Variants in XRRA1 observed in about 807,000 individuals in gnomAD.
XRRA1 encodes the protein X-ray radiation resistance-associated protein 1.
Under a neutral mutation model 80.2 loss-of-function variants are expected in XRRA1, and 69 were observed. The ratio of observed to expected loss-of-function variants is 0.86; its 90% confidence interval spans 0.71 to 1.05. XRRA1 has a LOEUF of 1.05. Ranked by LOEUF, XRRA1 falls within the 50% of genes least tolerant of loss-of-function variation. The probability of loss-of-function intolerance (pLI) is 0.00; values close to 1 mark genes in which losing one functional copy is unlikely to be tolerated. For missense variants in XRRA1, 967 were observed against 976.4 expected (o/e 0.99, Z 0.13); for synonymous variants, 348 against 389.9 (o/e 0.89, Z 1.27).
intron 5 of XRRA1, among the ~76,000 whole-genome samples, chr11:74,931,130 A>ATGTGTGTG (rs1943448463): frequency 1.8e-5 from 1 of 57,064 alleles, no homozygotes; most frequent in Non-Finnish European, 4.0e-5. Context: ...TTATGCTTAT[A>ATGTGTGTG]CGTGTGTGTG....
intron 10 of XRRA1, among the ~76,000 whole-genome samples, chr11:74,899,901 T>C (rs1167969648): frequency 6.6e-6 from 1 of 152,120 alleles, no homozygotes; most frequent in African/African-American, 2.4e-5. Flanking sequence ...ACTCATTCTA[T>C]GAGGCCAGCA....
At position 74,845,233 on chromosome 11, in the gene XRRA1, A is replaced by G. The variant is rs2037747213; in HGVS notation, c.1767T>C (p.Asp589=). The change falls in exon 16 of 19, where the codon GAT becomes GAC. Residue 589 remains aspartate, a synonymous_variant. Transcript: ENST00000684022. The part of the protein sequence containing the change: ...ELPSSVIHKD[D]LELKEKDQKK... ...TTTGGTCTTTCTCCTTTAACTCTAA[A>G]TCATCCTTATGGATGACGGAGGAAG... is the stretch of plus-strand genomic sequence containing the variant. 4 of 1,613,896 alleles carry G rather than the reference A, an allele frequency of 2.5e-6. No individual in the cohort carries two copies. Among genetic ancestry groups the G allele is most frequent in the Non-Finnish European group, 3.4e-6 (4 of 1,179,828 alleles).
At chr11:74,865,114 A>G (rs976295980) in intron 10 of XRRA1, among the ~76,000 whole-genome samples, 1 of 151,934 alleles carries the variant, frequency 6.6e-6, no homozygotes, top group African/African-American at 2.4e-5. Flanking sequence ...GTCTGGGCCA[A>G]CAAGATGGGC....
chr11:74,874,398 G>C (rs35198465), intron 10 of XRRA1, among the ~76,000 whole-genome samples: 1 of 152,066 alleles, frequency 6.6e-6, no homozygotes, highest in Non-Finnish European at 1.5e-5. Context: ...TCAATCTTTT[G>C]TATCAGAAAG....
chr11:74,900,677 T>C (rs1026383393), intron 10 of XRRA1, among the ~76,000 whole-genome samples: 4 of 152,176 alleles, frequency 2.6e-5, no homozygotes, highest in Admixed American at 6.5e-5. Context: ...ATGTGATACA[T>C]CACATCAACA....
At chr11:74,877,568 T>C (rs1479306496) in intron 10 of XRRA1, among the ~76,000 whole-genome samples, 13 of 151,240 alleles carry the variant, frequency 8.6e-5, no homozygotes, top group Non-Finnish European at 1.3e-4. Context: ...CCCACTAACT[T>C]GTCATCTAGC....
At chr11:74,931,949 T>C (rs1387221545) in intron 5 of XRRA1, among the ~76,000 whole-genome samples, 1 of 152,208 alleles carries the variant, frequency 6.6e-6, no homozygotes, top group Non-Finnish European at 1.5e-5. Context: ...AGTCTGATTA[T>C]TGTAAAATGG....
chr11:74,911,893 C>T (rs1279510096), intron 8 of XRRA1, among the ~76,000 whole-genome samples: 2 of 152,168 alleles, frequency 1.3e-5, no homozygotes, highest in African/African-American at 4.8e-5. Context: ...AATCAAAGCC[C>T]AGGGTACCCT....
intron 10 of XRRA1, among the ~76,000 whole-genome samples, chr11:74,868,186 T>C (rs540002504): frequency 1.4e-4 from 22 of 152,292 alleles, no homozygotes; most frequent in African/African-American, 4.8e-4. Context: ...CCCAAAGTGC[T>C]AGGATTACAG....
intron 11 of XRRA1, among the ~76,000 whole-genome samples, chr11:74,862,194 G>A (rs2042444707): frequency 6.6e-6 from 1 of 152,218 alleles, no homozygotes; most frequent in Non-Finnish European, 1.5e-5. Flanking sequence ...GTGTACCTGA[G>A]CCCAGCCTGC....
intron 10 of XRRA1, among the ~76,000 whole-genome samples, chr11:74,887,229 T>C (rs2049253579): frequency 6.6e-6 from 1 of 152,094 alleles, no homozygotes; most frequent in Non-Finnish European, 1.5e-5. Context: ...TGAGACCCAA[T>C]TAAACTAAAG....
At chr11:74,857,338 GCAAA>G (rs755059296) in intron 12 of XRRA1, among the ~76,000 whole-genome samples, 4 of 151,788 alleles carry the variant, frequency 2.6e-5, no homozygotes, top group African/African-American at 7.3e-5. Context: ...GTATAAGGAA[GCAAA>G]CAAAATAAGA....
At chr11:74,903,547 CA>C (rs748654704) in intron 10 of XRRA1, among the ~76,000 whole-genome samples, 73 of 151,986 alleles carry the variant, frequency 4.8e-4, no homozygotes, top group Non-Finnish European at 8.2e-4. Flanking sequence ...ACTAAAAATA[CA>C]AAAAATTAGC....
At chr11:74,912,055 G>A (rs181470641) in intron 8 of XRRA1, among the ~76,000 whole-genome samples, 28 of 152,312 alleles carry the variant, frequency 1.8e-4, no homozygotes, top group Non-Finnish European at 3.8e-4. Flanking sequence ...AAGACAAGGG[G>A]AAGGGCAGAC....
At chr11:74,845,943 C>T (rs1331847461) in intron 15 of XRRA1, 1 of 152,428 alleles carries the variant, frequency 6.6e-6, no homozygotes, top group Non-Finnish European at 1.5e-5. Flanking sequence ...GTAGTCCTAG[C>T]TACTCAGGAG....
chr11:74,938,587 C>T (rs556919477), intron 3 of XRRA1, among the ~76,000 whole-genome samples: 201 of 152,320 alleles, frequency 1.3e-3, no homozygotes, highest in Non-Finnish European at 2.0e-3. Context: ...TTCAATCAAA[C>T]ACTAATCTAG....
At chr11:74,890,943 G>A (rs529329792) in intron 10 of XRRA1, among the ~76,000 whole-genome samples, 2 of 152,312 alleles carry the variant, frequency 1.3e-5, no homozygotes, top group Non-Finnish European at 2.9e-5. Context: ...TCCAGGACCA[G>A]ATGGATTCAC....
At chr11:74,939,928 C>G (rs1591630055) in intron 3 of XRRA1, among the ~76,000 whole-genome samples, 1 of 152,108 alleles carries the variant, frequency 6.6e-6, no homozygotes, top group Admixed American at 6.5e-5. Flanking sequence ...TGAGCTCACA[C>G]TGATAGCTCC....
chr11:74,939,817 G>A (rs1644461865), intron 3 of XRRA1, among the ~76,000 whole-genome samples: 1 of 149,454 alleles, frequency 6.7e-6, no homozygotes, highest in African/African-American at 2.5e-5. Flanking sequence ...ATCCATCTAT[G>A]TGTGTCTGTG....
Sources: allele counts gnomAD v4.1 joint callset (sites outside exome capture counted in the v4.1 genomes callset), GRCh38; gene constraint gnomAD v4.1.1; transcripts MANE v1.5; gene names NCBI Gene and HGNC (gene_info 2026-07-23, HGNC 2026-07-21).